Variants in IKZF1 observed in about 807,000 individuals in gnomAD.
The protein encoded by IKZF1 is IKAROS family zinc finger 1.
A neutral mutation model predicts 51.7 loss-of-function variants in IKZF1; 10 were observed. The ratio of observed to expected loss-of-function variants is 0.19; its 90% CI spans 0.12 to 0.33. The LOEUF is 0.33. IKZF1 is among the 10% of genes least tolerant of loss of function. The pLI, the probability that IKZF1 is intolerant of heterozygous loss-of-function variation, is 1.00. For synonymous variants in IKZF1, 280 were observed against 282.3 expected, an observed-to-expected ratio of 0.99 and a Z score of 0.08; for missense variants, 484 against 707.5, an observed-to-expected ratio of 0.68 and a Z score of 3.58.
intron 3 of IKZF1, among the ~76,000 whole-genome samples, chr7:50,366,390 A>G (rs1806960065): frequency 6.6e-6 from 1 of 152,236 alleles, no homozygotes; most frequent in Non-Finnish European, 1.5e-5. Context: ...AGACTGCACA[A>G]GGCTACATTT....
In IKZF1 at chr7:50,324,441, A is replaced by C. The variant is rs1794304900; in HGVS notation, c.41-3197A>C. Among the ~76,000 whole-genome samples, 6 of 152,136 alleles carry C rather than the reference A, an allele frequency of 3.9e-5. No homozygotes were observed. The South Asian group carries it at 1.2e-3, about 32-fold the overall frequency. The stretch of plus-strand genomic sequence containing the variant: ...CCATCCAGTTCTGACTCTTTACTAG[A>C]TGCCCCTGTACATACCAAGACTGAT... On this transcript the variant is annotated intron_variant, in intron 2 of 7. Transcript: ENST00000331340.
intron 3 of IKZF1, among the ~76,000 whole-genome samples, chr7:50,351,851 A>G (rs183896846): frequency 7.9e-4 from 120 of 152,222 alleles, no homozygotes; most frequent in African/African-American, 2.6e-3. Context: ...CCTAGAACCT[A>G]CTAACAATTC....
In IKZF1 at chr7:50,404,128, T is replaced by C. The variant is rs933631703; in HGVS notation, c.*3501T>C. ...CACTGTGAACATGTGTAACCACATA[T>C]TAATATGCAATATTGTTTCCAATAC... On this transcript the variant is annotated 3_prime_UTR_variant, in exon 8 of 8. Transcript: ENST00000331340. The C allele has an allele frequency of 2.3e-5, 5 of 215,320 alleles. No homozygotes were observed. The highest frequency in any genetic ancestry group is 1.1e-4 in the African/African-American group (5 of 44,482). The allele number at this position is 215,320 out of a possible 1,614,324, so 13.3% of individuals were successfully genotyped here. A position where few individuals can be genotyped will look rare whatever the true frequency, so the allele number is the denominator to read the frequency against.
chr7:50,405,002 G>A lies in IKZF1; in HGVS notation c.*4375G>A, dbSNP rs768584362. 2.0e-5 allele frequency: 4 copies of A among 202,124 alleles called. No individual in the cohort carries two copies. Among genetic ancestry groups the A allele is most frequent in the African/African-American group, 4.6e-5 (2 of 43,550 alleles). 12.5% of individuals were successfully genotyped at this position (202,124 alleles called of 1,614,324 possible). A position where few individuals can be genotyped will look rare whatever the true frequency, so the allele number is the denominator to read the frequency against. On this transcript the variant is annotated 3_prime_UTR_variant, in exon 8 of 8. Transcript: ENST00000331340. Reference sequence around the variant, plus strand: ...ATTGGGAATTAAAAATCAGGACTGGGGACTGGGAGACCAAAAATTTCTGAT... The same window carrying A: ...ATTGGGAATTAAAAATCAGGACTGGAGACTGGGAGACCAAAAATTTCTGAT...
At position 50,404,137 on chromosome 7, in the gene IKZF1, A is replaced by G. The variant is rs1199230965; in HGVS notation, c.*3510A>G. ...CATGTGTAACCACATATTAATATGC[A>G]ATATTGTTTCCAATACTTTCTAATA... On this transcript the variant is annotated 3_prime_UTR_variant, in exon 8 of 8. Coordinates refer to ENST00000331340, the MANE Select transcript of IKZF1 (RefSeq NM_006060.6). 4.6e-6 allele frequency: 1 copy of G among 215,268 alleles called. No individual in the cohort carries two copies. The highest frequency in any genetic ancestry group is 9.4e-6 in the Non-Finnish European group (1 of 106,362). 13.3% of individuals were successfully genotyped at this position (215,268 alleles called of 1,614,324 possible). A position where few individuals can be genotyped will look rare whatever the true frequency, so the allele number is the denominator to read the frequency against.
At chr7:50,368,893 C>G (rs1033766910) in intron 3 of IKZF1, 3 of 220,492 alleles carry the variant, frequency 1.4e-5, no homozygotes, top group Non-Finnish European at 1.8e-5. Flanking sequence ...ATTATAGGCT[C>G]TAATTTGAAC....
intron 3 of IKZF1, among the ~76,000 whole-genome samples, chr7:50,345,613 G>T (rs1049530219): frequency 5.9e-5 from 9 of 152,170 alleles, no homozygotes; most frequent in African/African-American, 2.2e-4. Flanking sequence ...GCAGAGGGGT[G>T]AACCAGAAGA....
chr7:50,318,876 G>A (rs78415303), intron 1 of IKZF1, among the ~76,000 whole-genome samples, 172 bp from the exon 2 acceptor site: 1 of 152,156 alleles, frequency 6.6e-6, no homozygotes, highest in Non-Finnish European at 1.5e-5. Flanking sequence ...TTTTTAAAAG[G>A]ATCAAGGTCT....
intron 2 of IKZF1, chr7:50,327,352 C>T (rs965968493): frequency 2.0e-4 from 49 of 241,036 alleles, no homozygotes; most frequent in African/African-American, 1.1e-3. Flanking sequence ...AATAATGTCA[C>T]CTCATATTAT....
intron 1 of IKZF1, among the ~76,000 whole-genome samples, chr7:50,317,768 A>G (rs1791961990): frequency 6.6e-6 from 1 of 152,196 alleles, no homozygotes; most frequent in African/African-American, 2.4e-5. Context: ...AAGGTATTAA[A>G]GATATATGGA....
At chr7:50,382,030 A>G (rs1431794312) in intron 4 of IKZF1, among the ~76,000 whole-genome samples, 1 of 152,260 alleles carries the variant, frequency 6.6e-6, no homozygotes, top group Non-Finnish European at 1.5e-5. Flanking sequence ...AGAAGTTATT[A>G]TAACTGTTAT....
At position 50,319,037 on chromosome 7, in the gene IKZF1, C is replaced by T; in HGVS notation, c.-14-11C>T. 6.2e-7 allele frequency: 1 copy of T among 1,600,126 alleles called. No individual in the cohort carries two copies. The highest frequency in any genetic ancestry group is 1.1e-5 in the South Asian group (1 of 90,494). On this transcript the variant is annotated splice_polypyrimidine_tract_variant and intron_variant, in intron 1 of 7. Transcript: ENST00000331340. ...TTGCTTTAAACTAAAATCCCTTCCT[C>T]TCTTTCTCAGATAACCTGAGGACCA... is the stretch of plus-strand genomic sequence containing the variant.
chr7:50,308,343 C>T (rs1042398523), intron 1 of IKZF1, among the ~76,000 whole-genome samples: 1 of 152,216 alleles, frequency 6.6e-6, no homozygotes, highest in Admixed American at 6.5e-5. Context: ...TTTTCCCTCT[C>T]ATGTTTGACT....
intron 3 of IKZF1, among the ~76,000 whole-genome samples, chr7:50,346,703 G>A (rs1029457207): frequency 1.3e-5 from 2 of 152,196 alleles, no homozygotes; most frequent in African/African-American, 2.4e-5. Flanking sequence ...GAGCTCTTCT[G>A]TGTGTAAGTG....
At chr7:50,306,729 G>A (rs936802008) in intron 1 of IKZF1, among the ~76,000 whole-genome samples, 1 of 152,210 alleles carries the variant, frequency 6.6e-6, no homozygotes, top group African/African-American at 2.4e-5. Context: ...CTGTTGTACT[G>A]CAGGCCACTG....
At chr7:50,320,361 T>C (rs1417855434) in intron 2 of IKZF1, among the ~76,000 whole-genome samples, 1 of 152,232 alleles carries the variant, frequency 6.6e-6, no homozygotes, top group Non-Finnish European at 1.5e-5. Flanking sequence ...TGTTGTGATA[T>C]ATACAATGTA....
At chr7:50,320,487 A>C (rs1792905609) in intron 2 of IKZF1, among the ~76,000 whole-genome samples, 1 of 152,206 alleles carries the variant, frequency 6.6e-6, no homozygotes, top group South Asian at 2.1e-4. Context: ...ATTATTGTTG[A>C]CTACAGTCAT....
chr7:50,315,845 G>A (rs751133471), intron 1 of IKZF1, among the ~76,000 whole-genome samples: 2 of 152,072 alleles, frequency 1.3e-5, no homozygotes, highest in South Asian at 2.1e-4. Context: ...TATTTTACCC[G>A]GCACTCTGCA....
chr7:50,306,805 T>C (rs903652937), intron 1 of IKZF1, among the ~76,000 whole-genome samples: 1 of 152,272 alleles, frequency 6.6e-6, no homozygotes, highest in Non-Finnish European at 1.5e-5. Flanking sequence ...ATACATTTTT[T>C]GTTCTTGATT....
Sources: gnomAD v4.1 joint callset for allele counts (sites outside exome capture counted in the v4.1 genomes callset) on GRCh38, gnomAD v4.1.1 for gene constraint, MANE v1.5 for transcripts, NCBI Gene and HGNC (gene_info 2026-07-23, HGNC 2026-07-21) for gene names.